Variants in POLE observed in about 807,000 individuals in gnomAD.
The protein encoded by POLE is DNA polymerase epsilon catalytic subunit A.
In POLE, 188 loss-of-function variants were observed where a neutral mutation model predicts 279.2. That is an observed-to-expected ratio of 0.67 (90% confidence interval 0.60 to 0.76). The LOEUF is 0.76. POLE is among the 30% of genes least tolerant of loss of function. The probability of loss-of-function intolerance (pLI) is 0.00; values close to 1 mark genes in which losing one functional copy is unlikely to be tolerated. For synonymous variants in POLE, 1,214 were observed against 1,172.5 expected, an observed-to-expected ratio of 1.04 and a Z score of -0.72; for missense variants, 2,703 against 3,016.7, an observed-to-expected ratio of 0.90 and a Z score of 2.44.
Position 132,642,387 on chromosome 12 carries a change from T to C in POLE, c.4963A>G (p.Ile1655Val), listed in dbSNP as rs1060500876. The change falls in exon 38 of 49, where the codon ATT becomes GTT. Residue 1655 changes from isoleucine (I) to valine (V), a missense_variant. This residue lies in a region of POLE where 1,551 missense variants were observed against 1,686.1 expected (regional missense o/e 0.92). Transcript: ENST00000320574. ...QAFEMSRYFHIPIGNLPEDIS... is the reference protein window; with the variant it reads ...QAFEMSRYFHVPIGNLPEDIS... ...TCCTCTGGTAGGTTCCCAATGGGAA[T>C]GTGAAAGTACCTGCACCAGGGCACA... The C allele has an allele frequency of 3.8e-6, 6 of 1,578,176 alleles. No individual in the cohort carries two copies. Among genetic ancestry groups the C allele is most frequent in the Non-Finnish European group, 4.3e-6 (5 of 1,158,568 alleles).
At chr12:132,633,164 T>C (rs5745014) in intron 43 of POLE, 89,891 of 142,628 alleles carry the variant, frequency 0.63, 27,578 homozygotes, top group East Asian at 0.78. Flanking sequence ...CACTTACCCT[T>C]TTTTTTTTTT....
rs540900995 is a variant in POLE, at chr12:132,686,845, C to T, written c.62+409G>A. Among the ~76,000 whole-genome samples, 28 of 151,870 alleles carry T rather than the reference C, an allele frequency of 1.8e-4. No individual in the cohort carries two copies. The South Asian group carries it at 3.7e-3, about 20-fold the overall frequency. ...GCCTCGGCCTCCCCCAGCGCTAGGC[C>T]CCCAGGCAGGGTCCCCGGCCCCGCC... On this transcript the variant is annotated intron_variant, in intron 1 of 48. Coordinates refer to ENST00000320574, the MANE Select transcript of POLE (RefSeq NM_006231.4).
chr12:132,649,096 G>A (rs2138601116), intron 31 of POLE, 24 bp from the exon 32 acceptor site: 7 of 1,606,298 alleles, frequency 4.4e-6, no homozygotes, highest in Non-Finnish European at 5.9e-6. Flanking sequence ...CGGACATACA[G>A]CACATCACAG....
intron 16 of POLE, among the ~76,000 whole-genome samples, chr12:132,671,783 G>T (rs1474335167): frequency 4.0e-5 from 6 of 150,198 alleles, no homozygotes; most frequent in Non-Finnish European, 7.4e-5. Context: ...AACACACTTT[G>T]TAAGTGTGCT....
At position 132,624,555 on chromosome 12, in the gene POLE, G is replaced by T. The variant is rs2041790376; in HGVS notation, c.*142C>A. ...AGCTCCCTGAAAATGGTTTTCTTTG[G>T]TTTCCTCCCCGTTCCCTGGCCTGGG... is the stretch of plus-strand genomic sequence containing the variant. On this transcript the variant is annotated 3_prime_UTR_variant, in exon 49 of 49. Transcript: ENST00000320574. The T allele has an allele frequency of 3.0e-6, 2 of 676,328 alleles. No individual in the cohort carries two copies. The highest frequency in any genetic ancestry group is 3.5e-5 in the African/African-American group (2 of 56,476). 41.9% of individuals were successfully genotyped at this position (676,328 alleles called of 1,614,324 possible). A position where few individuals can be genotyped will look rare whatever the true frequency, so the allele number is the denominator to read the frequency against.
intron 39 of POLE, chr12:132,641,068 T>G (rs780259171): frequency 1.5e-5 from 7 of 456,694 alleles, no homozygotes; most frequent in South Asian, 1.1e-4. Flanking sequence ...CTGACCTCAG[T>G]TTCCTTATCT....
intron 45 of POLE, among the ~76,000 whole-genome samples, chr12:132,630,403 C>T (rs1437651718): frequency 6.6e-6 from 1 of 152,100 alleles, no homozygotes. Context: ...ATGGATAAAA[C>T]CTAAAACTTC....
intron 47 of POLE, chr12:132,625,343 C>A (rs779609846): frequency 1.4e-6 from 1 of 728,966 alleles, no homozygotes; most frequent in Non-Finnish European, 2.5e-6. Context: ...TCGGCAAGAC[C>A]TTCCTGTGGC....
At chr12:132,681,048 C>G (rs1235726574) in intron 2 of POLE, 90 bp downstream of exon 2, 1 of 1,465,636 alleles carries the variant, frequency 6.8e-7, no homozygotes, top group African/African-American at 1.4e-5. Context: ...AAAGTTCCCT[C>G]ATGTGTCCCC....
Position 132,658,156 on chromosome 12 carries a change from G to GT in POLE, c.3276-187dup, listed in dbSNP as rs63543861. The GT allele has an allele frequency of 3.7e-5, 16 of 437,790 alleles. No homozygotes were observed. In the East Asian group the frequency reaches 5.7e-4, roughly 16 times the overall value. 27.1% of individuals were successfully genotyped at this position (437,790 alleles called of 1,614,324 possible). ...AGGTTCCTCGGGGAGTAACACGTGC[G>GT]TATGTGTAAACACGTGCGTGTGTGC... On this transcript the variant is annotated intron_variant, in intron 26 of 48. Coordinates refer to ENST00000320574, the MANE Select transcript of POLE (RefSeq NM_006231.4).
Position 132,632,732 on chromosome 12 carries a change from G to A in POLE, c.6068C>T (p.Thr2023Ile), listed in dbSNP as rs771628123. The A allele has an allele frequency of 3.3e-5, 53 of 1,613,466 alleles. No individual in the cohort carries two copies. The highest frequency in any genetic ancestry group is 4.4e-5 in the Non-Finnish European group (52 of 1,179,982). The stretch of plus-strand genomic sequence containing the variant: ...GCTGGCCCCCCTCCTCCTCACGGGG[G>A]TGCTCCCTGGAGCACTGCGCCTCAG... The part of the protein sequence containing the change: ...DGLRRSAPGS[T>I]PVRRRGASQL... The change falls in exon 44 of 49, where the codon ACC becomes ATC. Residue 2023 changes from threonine (T) to isoleucine (I), a missense_variant. Thr to Ile is a moderately conservative substitution (Grantham distance 89, BLOSUM62 -1). Transcript: ENST00000320574.
At position 132,675,728 on chromosome 12, in the gene POLE, G is replaced by T. The variant is rs369889926; in HGVS notation, c.1106+7C>A. 181 of 1,612,370 alleles carry T rather than the reference G, an allele frequency of 1.1e-4. 2 individuals are homozygous for T. The South Asian group carries it at 1.8e-3, about 16-fold the overall frequency. On this transcript the variant is annotated splice_region_variant and intron_variant, in intron 11 of 48. Coordinates refer to ENST00000320574, the MANE Select transcript of POLE (RefSeq NM_006231.4). The surrounding 1 kb of genome is among the most constrained non-coding windows in gnomAD (Gnocchi z 4.3). The stretch of plus-strand genomic sequence containing the variant: ...CCCAGTTACTCATAGAGAAGACACA[G>T]ACTCACCAGTCAAAAAAGTCCCCGT...
At chr12:132,647,358 G>A (rs1199853958) in intron 32 of POLE, among the ~76,000 whole-genome samples, 1 of 148,932 alleles carries the variant, frequency 6.7e-6, no homozygotes, top group African/African-American at 2.5e-5. Flanking sequence ...ACTTTAAAAA[G>A]AGAGGAAAAA....
intron 45 of POLE, among the ~76,000 whole-genome samples, chr12:132,631,458 C>A: frequency 6.6e-6 from 1 of 152,070 alleles, no homozygotes; most frequent in East Asian, 1.9e-4. Flanking sequence ...ATGTAAAAGT[C>A]AATAAAGGAA....
At chr12:132,649,987 A>G (rs2042387402) in intron 29 of POLE, 98 bp from the exon 30 acceptor site, 2 of 1,035,112 alleles carry the variant, frequency 1.9e-6, no homozygotes, top group South Asian at 3.0e-5. Context: ...AAGACAGGAG[A>G]ATTGCTTGGG....
At chr12:132,672,358 AAC>A in intron 15 of POLE, 36 bp from the exon 16 acceptor site, 4 of 1,522,470 alleles carry the variant, frequency 2.6e-6, no homozygotes, top group Non-Finnish European at 3.6e-6. Context: ...TCAGAGGGGA[AAC>A]ACACCCACAC....
rs751425952 is a variant in POLE at position 132,659,394 on chromosome 12, C to T, written c.3176G>A (p.Arg1059His). The change falls in exon 26 of 49, where the codon CGC becomes CAC. Residue 1059 changes from arginine (R) to histidine (H), a missense_variant. By Grantham distance (29) the Arg-to-His change is conservative. Coordinates refer to ENST00000320574, the MANE Select transcript of POLE (RefSeq NM_006231.4). ...QKSTSISTAK[R>H]LAEFLGDQMV... Reference sequence around the variant, plus strand: ...CTGGTCTCCCAGGAACTCGGCCAGGCGCTTTGCTGTGCTGATGGACGTAGA... The same window carrying T: ...CTGGTCTCCCAGGAACTCGGCCAGGTGCTTTGCTGTGCTGATGGACGTAGA... 5 of 1,614,100 alleles carry T rather than the reference C, an allele frequency of 3.1e-6. No individual in the cohort carries two copies. Among genetic ancestry groups the T allele is most frequent in the East Asian group, 4.5e-5 (2 of 44,902 alleles).
Position 132,664,019 on chromosome 12 carries a change from C to A in POLE, c.2691G>T (p.Leu897Phe). The change falls in exon 23 of 49, where the codon TTG (leucine) becomes TTT (phenylalanine). Residue 897 changes from leucine to phenylalanine, a missense_variant. Transcript: ENST00000320574. The surrounding 1 kb of genome is among the most constrained non-coding windows in gnomAD (Gnocchi z 5.3). ...CCAGACTCACCTTGACCATGATGTTCAACATGGCGCCTGGGTAGGAGATGG... is the reference window on the plus strand; with the variant it reads ...CCAGACTCACCTTGACCATGATGTTAAACATGGCGCCTGGGTAGGAGATGG... The part of the protein sequence containing the change: ...KVTISYPGAM[L>F]NIMVKEGFTN... 1 of 1,614,150 alleles carries A rather than the reference C, an allele frequency of 6.2e-7. No homozygotes were observed. Among genetic ancestry groups the A allele is most frequent in the Non-Finnish European group, 8.5e-7 (1 of 1,180,046 alleles).
rs762898113 is a variant in POLE at position 132,676,166 on chromosome 12, A to C, written c.948T>G (p.Asp316Glu). 2 of 1,613,270 alleles carry C rather than the reference A, an allele frequency of 1.2e-6. No individual in the cohort carries two copies. Among genetic ancestry groups the C allele is most frequent in the Non-Finnish European group, 1.7e-6 (2 of 1,179,738 alleles). ...LITNREIVSE[D>E]IEDFEFTPKP... ...TGGGGGTGAACTCAAAATCTTCAAT[A>C]TCTTCTGAAACAATCTCCCTGTTGG... The change falls in exon 10 of 49, where the codon GAT (aspartate) becomes GAG (glutamate). Residue 316 changes from aspartate to glutamate, a missense_variant. Physicochemically the swap from Asp to Glu is conservative, Grantham distance 45. Coordinates refer to ENST00000320574, the MANE Select transcript of POLE (RefSeq NM_006231.4).
Sources: gnomAD v4.1 joint callset for allele counts (sites outside exome capture counted in the v4.1 genomes callset) on GRCh38, gnomAD v4.1.1 for gene constraint, gnomAD v4.1.1 regional missense constraint, Gnocchi (gnomAD v3.1) non-coding constraint, MANE v1.5 for transcripts, NCBI Gene and HGNC (gene_info 2026-07-23, HGNC 2026-07-21) for gene names.